RANBP2: variants seen among roughly 807,000 people sequenced by gnomAD.
RANBP2 encodes the protein RAN binding protein 2.
In RANBP2, 57 loss-of-function variants were observed where a neutral mutation model predicts 303.6. That is an observed-to-expected ratio of 0.19 (90% CI 0.15 to 0.23). The LOEUF (loss-of-function observed/expected upper bound fraction) is 0.23. RANBP2 is among the 10% of genes least tolerant of loss of function. The pLI, the probability that RANBP2 is intolerant of heterozygous loss-of-function variation, is 1.00. For synonymous variants in RANBP2, 1,167 were observed against 1,301.5 expected (o/e 0.90, Z 2.23); for missense variants, 3,138 against 3,780.8 (o/e 0.83, Z 4.46).
At chr2:108,778,430 G>C (rs377389042) in intron 25 of RANBP2, among the ~76,000 whole-genome samples, 5 of 152,262 alleles carry the variant, frequency 3.3e-5, no homozygotes, top group African/African-American at 7.2e-5. Context: ...TTTTCATAGG[G>C]AATCTTTATA....
the RANBP2 span, among the ~76,000 whole-genome samples, chr2:109,162,878 C>CA: frequency 2.0e-5 from 1 of 50,576 alleles, no homozygotes; most frequent in South Asian, 9.6e-4. Flanking sequence ...GAGATGATTA[C>CA]CAAAAAAACC....
At chr2:108,777,330 T>G (rs1166078469) in intron 25 of RANBP2, 99 bp downstream of exon 25, 1 of 1,009,362 alleles carries the variant, frequency 9.9e-7, no homozygotes, top group Non-Finnish European at 1.5e-6. Flanking sequence ...GTTAGAAGTT[T>G]CTTCCCTTAC....
the RANBP2 span, among the ~76,000 whole-genome samples, chr2:109,000,443 T>C: frequency 9.9e-5 from 15 of 152,150 alleles, no homozygotes; most frequent in Admixed American, 4.6e-4. Context: ...GGAAGACTGA[T>C]TGAATCTGGG....
the RANBP2 span, among the ~76,000 whole-genome samples, chr2:108,959,288 G>A: frequency 3.9e-5 from 6 of 152,190 alleles, no homozygotes; most frequent in Non-Finnish European, 7.3e-5. Context: ...TGCGATCTGG[G>A]AACTCTTACA....
chr2:108,791,675 C>T, the RANBP2 span: 1 of 1,603,086 alleles, frequency 6.2e-7, no homozygotes, highest in South Asian at 1.1e-5. Context: ...TTTTTTAAAG[C>T]CTAGATGATG....
At chr2:109,563,526 G>C in the RANBP2 span, among the ~76,000 whole-genome samples, 31 of 152,236 alleles carry the variant, frequency 2.0e-4, no homozygotes, top group African/African-American at 6.8e-4. Flanking sequence ...GTTCTGGAAT[G>C]CTACATCAAA....
chr2:109,610,656 C>T, the RANBP2 span, among the ~76,000 whole-genome samples: 4 of 151,904 alleles, frequency 2.6e-5, no homozygotes, highest in African/African-American at 4.8e-5. Flanking sequence ...GTGGAGGCTG[C>T]GGTGAGCTGA....
the RANBP2 span, among the ~76,000 whole-genome samples, chr2:109,538,569 T>C: frequency 6.6e-6 from 1 of 152,226 alleles, no homozygotes; most frequent in East Asian, 1.9e-4. Flanking sequence ...CAGGCCAGAG[T>C]GCAGTGGCAT....
the RANBP2 span, among the ~76,000 whole-genome samples, chr2:108,860,105 A>G: frequency 6.6e-6 from 1 of 151,704 alleles, no homozygotes; most frequent in East Asian, 1.9e-4. Context: ...TTCAGCTTGA[A>G]TGTTATTGGT....
chr2:109,306,331 T>C, the RANBP2 span, among the ~76,000 whole-genome samples: 118 of 152,326 alleles, frequency 7.7e-4, no homozygotes, highest in African/African-American at 2.7e-3. Flanking sequence ...GACCCCTGTG[T>C]GTCCCTGCCT....
At chr2:108,935,116 G>A in the RANBP2 span, among the ~76,000 whole-genome samples, 5 of 152,140 alleles carry the variant, frequency 3.3e-5, no homozygotes, top group South Asian at 4.2e-4. Flanking sequence ...CAAATCTGGC[G>A]CTTTACGGAA....
chr2:108,794,022 T>C, the RANBP2 span, among the ~76,000 whole-genome samples: 14 of 152,102 alleles, frequency 9.2e-5, no homozygotes, highest in Non-Finnish European at 1.8e-4. Context: ...GTTTGCAAAA[T>C]AGGATATACA....
the RANBP2 span, among the ~76,000 whole-genome samples, chr2:109,391,043 G>C: frequency 6.6e-6 from 1 of 152,216 alleles, no homozygotes; most frequent in African/African-American, 2.4e-5. Flanking sequence ...CATGGGACCA[G>C]CCTGCACCTG....
chr2:108,981,157 G>T, the RANBP2 span, among the ~76,000 whole-genome samples: 1 of 152,182 alleles, frequency 6.6e-6, no homozygotes, highest in Non-Finnish European at 1.5e-5. Flanking sequence ...CTTCCCTCGG[G>T]GAACTGAAGT....
chr2:109,065,455 G>A, the RANBP2 span, among the ~76,000 whole-genome samples: 3 of 152,086 alleles, frequency 2.0e-5, no homozygotes, highest in African/African-American at 4.8e-5. Flanking sequence ...TCCCAACCCC[G>A]CAGCATCCTG....
the RANBP2 span, among the ~76,000 whole-genome samples, chr2:109,121,361 T>G: frequency 6.6e-6 from 1 of 152,226 alleles, no homozygotes; most frequent in African/African-American, 2.4e-5. Context: ...GTCTTAATTT[T>G]AACTCCTTTC....
the RANBP2 span, among the ~76,000 whole-genome samples, chr2:109,204,800 G>A: frequency 1.1e-4 from 16 of 152,194 alleles, no homozygotes; most frequent in Non-Finnish European, 2.4e-4. Context: ...ATTTCTTGAT[G>A]GTGCCATTGA....
At chr2:109,449,036 C>A in the RANBP2 span, 8 of 1,051,882 alleles carry the variant, frequency 7.6e-6, no homozygotes, top group Admixed American at 5.4e-5. Flanking sequence ...GAGGCCAGGT[C>A]TGTCTGGAGA....
At chr2:109,371,646 G>C in the RANBP2 span, 1 of 1,614,058 alleles carries the variant, frequency 6.2e-7, no homozygotes, top group Non-Finnish European at 8.5e-7. Context: ...CATGCTGGGA[G>C]ACAAGATCGG....
Sources: allele counts gnomAD v4.1 joint callset (sites outside exome capture counted in the v4.1 genomes callset), GRCh38; gene constraint gnomAD v4.1.1; transcripts MANE v1.5; gene names NCBI Gene and HGNC (gene_info 2026-07-23, HGNC 2026-07-21).